The following FAM13A variants were observed in gnomAD, a reference collection of about 807,000 sequenced individuals.
FAM13A encodes the protein family with sequence similarity 13 member A, also known as protein FAM13A.
A neutral mutation model predicts 129.6 loss-of-function variants in FAM13A; 76 were observed. The observed-to-expected ratio is 0.59, with a 90% CI of 0.49 to 0.71. The LOEUF (loss-of-function observed/expected upper bound fraction) is 0.71. FAM13A is among the 30% of genes least tolerant of loss of function. The pLI is 0.00. For synonymous variants in FAM13A, 443 were observed against 449.9 expected, an observed-to-expected ratio of 0.98 and a Z score of 0.20; for missense variants, 1,108 against 1,249.3, an observed-to-expected ratio of 0.89 and a Z score of 1.70.
intron 4 of FAM13A, among the ~76,000 whole-genome samples, chr4:88,947,602 C>T (rs772163156): frequency 3.9e-5 from 6 of 152,078 alleles, no homozygotes; most frequent in Non-Finnish European, 7.4e-5. Context: ...TTTTGGCTAC[C>T]TGTTCCTGCC....
chr4:88,968,666 C>A (rs1375525088), intron 4 of FAM13A, among the ~76,000 whole-genome samples: 1 of 152,090 alleles, frequency 6.6e-6, no homozygotes, highest in African/African-American at 2.4e-5. Context: ...ATCCCCTTTT[C>A]TCCCACCCCA....
At chr4:88,941,065 G>T (rs1237746801) in intron 4 of FAM13A, among the ~76,000 whole-genome samples, 1 of 152,128 alleles carries the variant, frequency 6.6e-6, no homozygotes, top group African/African-American at 2.4e-5. Context: ...TTAGAGGGCA[G>T]AACCAAGAAT....
chr4:88,870,497 G>C (rs1222857335), intron 6 of FAM13A, among the ~76,000 whole-genome samples: 3 of 150,708 alleles, frequency 2.0e-5, no homozygotes, highest in African/African-American at 2.4e-5. Context: ...CGCCTGGCTT[G>C]GGGGGGGTCC....
At chr4:88,826,938 A>G (rs1345059568) in intron 7 of FAM13A, among the ~76,000 whole-genome samples, 1 of 152,142 alleles carries the variant, frequency 6.6e-6, no homozygotes, top group Non-Finnish European at 1.5e-5. Flanking sequence ...CCTCAGTATT[A>G]GAAAGTGCTT....
intron 7 of FAM13A, among the ~76,000 whole-genome samples, chr4:88,816,138 A>G (rs1383083330): frequency 1.3e-5 from 2 of 152,138 alleles, no homozygotes; most frequent in East Asian, 3.8e-4. Flanking sequence ...AAACCTTCCT[A>G]TTTCAATGTA....
At chr4:88,947,420 C>T (rs1383601927) in intron 4 of FAM13A, among the ~76,000 whole-genome samples, 1 of 151,896 alleles carries the variant, frequency 6.6e-6, no homozygotes, top group Non-Finnish European at 1.5e-5. Flanking sequence ...ACAACAACAA[C>T]AAAAAACACA....
intron 13 of FAM13A, among the ~76,000 whole-genome samples, chr4:88,764,057 C>A (rs1745296608): frequency 6.6e-6 from 1 of 152,120 alleles, no homozygotes; most frequent in African/African-American, 2.4e-5. Context: ...TTTTTCAGGG[C>A]AAATAAAAGC....
At chr4:88,782,275 A>G (rs1311277996) in intron 10 of FAM13A, among the ~76,000 whole-genome samples, 1 of 152,060 alleles carries the variant, frequency 6.6e-6, no homozygotes, top group African/African-American at 2.4e-5. Flanking sequence ...GGTTTTCACA[A>G]GAGTAAATTA....
intron 4 of FAM13A, among the ~76,000 whole-genome samples, chr4:88,977,561 T>C (rs79964594): frequency 0.052 from 7,881 of 152,238 alleles, 303 homozygotes; most frequent in South Asian, 0.22. Flanking sequence ...ACAAAATACA[T>C]TATTATTTCA....
chr4:88,987,872 C>T (rs1042283779), intron 4 of FAM13A, among the ~76,000 whole-genome samples: 5 of 124,074 alleles, frequency 4.0e-5, no homozygotes, highest in Admixed American at 8.6e-5. Flanking sequence ...CTGAATATAA[C>T]TTGACTTATA....
At chr4:88,869,579 G>T (rs990690971) in intron 6 of FAM13A, among the ~76,000 whole-genome samples, 3 of 152,144 alleles carry the variant, frequency 2.0e-5, no homozygotes, top group African/African-American at 7.2e-5. Context: ...CTTAAATCAG[G>T]CACCCTTGTT....
chr4:88,731,095 T>C (rs1737644997), intron 23 of FAM13A, among the ~76,000 whole-genome samples: 1 of 152,184 alleles, frequency 6.6e-6, no homozygotes, highest in Non-Finnish European at 1.5e-5. Flanking sequence ...GAATCTGCAT[T>C]AGTCTTGGGC....
intron 1 of FAM13A, among the ~76,000 whole-genome samples, chr4:89,036,846 A>T (rs1375657567): frequency 6.6e-6 from 1 of 152,206 alleles, no homozygotes; most frequent in South Asian, 2.1e-4. Context: ...ACTGCTCCAG[A>T]GGGTACAGGC....
chr4:89,015,941 AAC>A (rs1315240158), intron 3 of FAM13A, among the ~76,000 whole-genome samples: 2 of 152,192 alleles, frequency 1.3e-5, no homozygotes, highest in Non-Finnish European at 1.5e-5. Context: ...TGTTAATTAT[AAC>A]ACAGACTCAT....
At chr4:88,906,330 A>G (rs755401058) in intron 6 of FAM13A, 49 bp downstream of exon 6, 3 of 1,200,206 alleles carry the variant, frequency 2.5e-6, no homozygotes, top group Middle Eastern at 1.9e-4. Flanking sequence ...AAAACAAAGA[A>G]CCATGCTAAA....
intron 11 of FAM13A, chr4:88,768,482 C>T (rs190528616): frequency 8.2e-5 from 13 of 158,720 alleles, no homozygotes; most frequent in South Asian, 3.6e-4. Flanking sequence ...TATATAAGAA[C>T]GTATATATAC....
intron 13 of FAM13A, among the ~76,000 whole-genome samples, chr4:88,763,542 C>T (rs183011749): frequency 5.9e-5 from 9 of 152,308 alleles, no homozygotes; most frequent in African/African-American, 1.7e-4. Context: ...AATTATGAAG[C>T]TATCAGTCTA....
intron 7 of FAM13A, among the ~76,000 whole-genome samples, chr4:88,805,581 A>T (rs1206076174): frequency 6.6e-6 from 1 of 152,202 alleles, no homozygotes; most frequent in Non-Finnish European, 1.5e-5. Context: ...ACTAGTGTGT[A>T]TAACATGAAA....
intron 11 of FAM13A, among the ~76,000 whole-genome samples, chr4:88,773,701 C>A (rs961885066): frequency 1.3e-5 from 2 of 152,138 alleles, no homozygotes; most frequent in African/African-American, 4.8e-5. Flanking sequence ...GCTTTAAAAA[C>A]CAACTGTGCA....
Sources: allele counts gnomAD v4.1 joint callset (sites outside exome capture counted in the v4.1 genomes callset), GRCh38; gene constraint gnomAD v4.1.1; transcripts MANE v1.5; gene names NCBI Gene and HGNC (gene_info 2026-07-23, HGNC 2026-07-21).